Variants in ANKFN1 observed in about 807,000 individuals in gnomAD.
ANKFN1 encodes ankyrin repeat and fibronectin type III domain containing 1, also known as ankyrin repeat and fibronectin type-III domain-containing protein 1.
A neutral mutation model predicts 108.7 loss-of-function variants in ANKFN1; 74 were observed. The ratio of observed to expected loss-of-function variants is 0.68; its 90% CI spans 0.56 to 0.83. ANKFN1 has a LOEUF of 0.83. Among genes scored for constraint, ANKFN1 ranks in the 40% least tolerant of loss-of-function variants. The probability of loss-of-function intolerance (pLI) is 0.00; values close to 1 mark genes in which losing one functional copy is unlikely to be tolerated. For synonymous variants in ANKFN1, 547 were observed against 516.2 expected (o/e 1.06, Z -0.81); for missense variants, 1,505 against 1,382.3 (o/e 1.09, Z -1.41).
Position 56,511,354 on chromosome 17 carries a change from C to A in ANKFN1, c.*85C>A. On this transcript the variant is annotated 3_prime_UTR_variant, in exon 21 of 21. Coordinates refer to ENST00000682825, the MANE Select transcript of ANKFN1 (RefSeq NM_001370326.1). ...TACCCCCATCCTGCCCCACTGTGTA[C>A]CCACTCATTTTCAAGCGTTTTGAAT... 7.8e-7 allele frequency: 1 copy of A among 1,276,390 alleles called. No homozygotes were observed. Among genetic ancestry groups the A allele is most frequent in the Non-Finnish European group, 1.0e-6 (1 of 953,854 alleles). 79.1% of individuals were successfully genotyped at this position (1,276,390 alleles called of 1,614,324 possible).
At chr17:56,092,315 G>A (rs1244197237) in intron 4 of ANKFN1, among the ~76,000 whole-genome samples, 1 of 140,248 alleles carries the variant, frequency 7.1e-6, no homozygotes, top group Non-Finnish European at 1.5e-5. Context: ...TGTCACCCAG[G>A]CTGGAGTGCA....
intron 4 of ANKFN1, among the ~76,000 whole-genome samples, chr17:56,055,570 T>TATATATATATATATATAC (rs1418149958): frequency 1.1e-4 from 11 of 100,106 alleles, no homozygotes; most frequent in African/African-American, 6.3e-4. Context: ...TATATACATA[T>TATATATATATATATATAC]ATATATATAT....
intron 4 of ANKFN1, among the ~76,000 whole-genome samples, chr17:56,048,435 C>G (rs1904717580): frequency 6.6e-6 from 1 of 152,136 alleles, no homozygotes; most frequent in South Asian, 2.1e-4. Flanking sequence ...TAATATGGTC[C>G]AGATAAACAC....
intron 4 of ANKFN1, among the ~76,000 whole-genome samples, chr17:56,119,016 A>G (rs1174199350): frequency 6.6e-6 from 1 of 152,102 alleles, no homozygotes; most frequent in Non-Finnish European, 1.5e-5. Context: ...GGAGGTGAAA[A>G]GGTGGGTATA....
intron 4 of ANKFN1, chr17:56,110,977 C>T (rs1905928605): frequency 6.6e-6 from 1 of 152,256 alleles, no homozygotes; most frequent in South Asian, 2.1e-4. Context: ...GCTGGGCAGC[C>T]TCAAGCTGGA....
chr17:56,477,130 C>A (rs915338365), intron 15 of ANKFN1, among the ~76,000 whole-genome samples: 1 of 152,184 alleles, frequency 6.6e-6, no homozygotes, highest in Non-Finnish European at 1.5e-5. Context: ...TTTCTCCCAG[C>A]TAAACATTAA....
At chr17:56,508,168 C>A (rs1224834199) in intron 20 of ANKFN1, among the ~76,000 whole-genome samples, 1 of 152,192 alleles carries the variant, frequency 6.6e-6, no homozygotes, top group African/African-American at 2.4e-5. Context: ...CACAGCTTCC[C>A]AGCTGGCCTC....
chr17:56,258,333 T>G (rs1358760192), intron 3 of ANKFN1: 2 of 152,246 alleles, frequency 1.3e-5, no homozygotes, highest in Non-Finnish European at 2.9e-5. Flanking sequence ...AGGCTCTTCA[T>G]GTGAAAATAA....
chr17:56,481,709 A>G (rs752449878), intron 17 of ANKFN1, among the ~76,000 whole-genome samples: 47 of 152,214 alleles, frequency 3.1e-4, no homozygotes, highest in Non-Finnish European at 5.9e-4. Flanking sequence ...AGCCAACGCT[A>G]ATGAAGACTA....
chr17:56,140,714 G>C (rs1422651893), intron 4 of ANKFN1, among the ~76,000 whole-genome samples: 1 of 152,096 alleles, frequency 6.6e-6, no homozygotes, highest in Non-Finnish European at 1.5e-5. Flanking sequence ...TTAGCATCTG[G>C]TTAGAGCACT....
intron 4 of ANKFN1, among the ~76,000 whole-genome samples, chr17:56,135,546 T>C (rs774486916): frequency 2.0e-5 from 3 of 152,192 alleles, no homozygotes; most frequent in Non-Finnish European, 2.9e-5. Context: ...TTCTCAAATA[T>C]ACAGAGCACT....
intron 4 of ANKFN1, among the ~76,000 whole-genome samples, chr17:56,111,509 T>C (rs1305659338): frequency 6.9e-6 from 1 of 144,764 alleles, no homozygotes; most frequent in East Asian, 2.0e-4. Context: ...AGACAAAACT[T>C]CTCATAAATG....
At chr17:56,400,035 A>G (rs963892257) in intron 8 of ANKFN1, among the ~76,000 whole-genome samples, 4 of 151,436 alleles carry the variant, frequency 2.6e-5, no homozygotes, top group African/African-American at 9.7e-5. Flanking sequence ...GAATTGTACT[A>G]CTATAAACAT....
chr17:56,094,534 C>A (rs1235970845), intron 4 of ANKFN1, among the ~76,000 whole-genome samples: 1 of 122,290 alleles, frequency 8.2e-6, no homozygotes, highest in African/African-American at 3.1e-5. Context: ...GGCTGCCAGG[C>A]TGCCAGGCTG....
chr17:56,343,690 C>T (rs762632224), intron 4 of ANKFN1, among the ~76,000 whole-genome samples: 5 of 151,800 alleles, frequency 3.3e-5, no homozygotes, highest in Non-Finnish European at 7.4e-5. Flanking sequence ...TCTTCTTCTC[C>T]TGGGACTCCT....
At chr17:56,211,326 G>A (rs1251916881) in intron 1 of ANKFN1, among the ~76,000 whole-genome samples, 1 of 152,088 alleles carries the variant, frequency 6.6e-6, no homozygotes, top group African/African-American at 2.4e-5. Context: ...CATGTGGCTT[G>A]CCAATTATCC....
chr17:56,363,716 A>T (rs1459599329), intron 6 of ANKFN1, among the ~76,000 whole-genome samples: 1 of 152,142 alleles, frequency 6.6e-6, no homozygotes, highest in African/African-American at 2.4e-5. Context: ...GTTATATATT[A>T]TATATATACA....
At position 56,084,611 on chromosome 17, in the gene ANKFN1, A is replaced by T. The variant is rs140243197; in HGVS notation, c.288+38286A>T. Among the ~76,000 whole-genome samples, 34 of 151,498 alleles carry T rather than the reference A, an allele frequency of 2.2e-4. 3 individuals are homozygous for T. Among genetic ancestry groups the T allele is most frequent in the African/African-American group, 8.2e-4 (34 of 41,326 alleles). ...AGGGCCTGGTCCTTCCTGCGTGTTG[A>T]CAGTGTATCTTTGAGGAATTTGTAG... On this transcript the variant is annotated intron_variant, in intron 4 of 12. Coordinates refer to the ANKFN1 transcript ENST00000635860.
chr17:56,253,345 ATTG>A (rs1290579190), intron 3 of ANKFN1, among the ~76,000 whole-genome samples: 3 of 152,182 alleles, frequency 2.0e-5, no homozygotes, highest in Non-Finnish European at 4.4e-5. Context: ...CAGAAAAGAC[ATTG>A]CTTCTATTAA....
Sources: gnomAD v4.1 joint callset for allele counts (sites outside exome capture counted in the v4.1 genomes callset) on GRCh38, gnomAD v4.1.1 for gene constraint, MANE v1.5 for transcripts, NCBI Gene and HGNC (gene_info 2026-07-23, HGNC 2026-07-21) for gene names.